CLSTN3: variants seen among roughly 807,000 people sequenced by gnomAD.
CLSTN3 encodes the protein calsyntenin-3.
A neutral mutation model predicts 95.9 loss-of-function variants in CLSTN3; 36 were observed. The ratio of observed to expected loss-of-function variants is 0.38; its 90% CI spans 0.29 to 0.50. CLSTN3 has a LOEUF of 0.50. CLSTN3 is among the 20% of genes least tolerant of loss of function. The pLI, the probability that CLSTN3 is intolerant of heterozygous loss-of-function variation, is 0.95. For synonymous variants in CLSTN3, 481 were observed against 504.0 expected (o/e 0.95, Z 0.61); for missense variants, 1,084 against 1,268.8 (o/e 0.85, Z 2.21).
intron 16 of CLSTN3, among the ~76,000 whole-genome samples, chr12:7,152,905 C>T (rs1939748756): frequency 6.6e-6 from 1 of 152,152 alleles, no homozygotes; most frequent in South Asian, 2.1e-4. Context: ...GGCCCTCACC[C>T]TTCTCCCCAG....
Position 7,158,172 on chromosome 12 carries a change from G to C in CLSTN3, c.*91G>C. ...GAGAAGGACTTTCTGGGAACACAGA[G>C]ACCAAGAGGGAGAGAGGCTTCAGAA... is the stretch of plus-strand genomic sequence containing the variant. On this transcript the variant is annotated 3_prime_UTR_variant, in exon 18 of 18. Coordinates refer to ENST00000266546, the MANE Select transcript of CLSTN3 (RefSeq NM_014718.4). 7.1e-7 allele frequency: 1 copy of C among 1,401,592 alleles called. No homozygotes were observed. The highest frequency in any genetic ancestry group is 9.4e-7 in the Non-Finnish European group (1 of 1,059,408). 86.8% of individuals were successfully genotyped at this position (1,401,592 alleles called of 1,614,324 possible).
intron 16 of CLSTN3, among the ~76,000 whole-genome samples, chr12:7,155,635 GGA>G (rs1939802166): frequency 6.6e-6 from 1 of 152,262 alleles, no homozygotes; most frequent in Admixed American, 6.5e-5. Flanking sequence ...CAGATGGGCA[GGA>G]GAGACAGCTC....
In CLSTN3 at chr12:7,137,120, C is replaced by T; in HGVS notation, c.1210+10C>T. 1.3e-6 allele frequency: 2 copies of T among 1,595,102 alleles called. No individual in the cohort carries two copies. The highest frequency in any genetic ancestry group is 1.3e-5 in the African/African-American group (1 of 74,812). On this transcript the variant is annotated intron_variant, in intron 7 of 17. Transcript: ENST00000266546. This position sits in a 1 kb window ranked among gnomAD's most constrained non-coding sequence, Gnocchi z 4.4. The stretch of plus-strand genomic sequence containing the variant: ...AACACTGTCCAGAATGGTGAGCCTC[C>T]CCTCCAGGCACTAGCCAGAGGGGGA...
intron 16 of CLSTN3, chr12:7,156,080 G>T (rs1212145240): frequency 2.8e-6 from 1 of 358,542 alleles, no homozygotes; most frequent in Non-Finnish European, 5.5e-6. Context: ...TTTTTCTAGG[G>T]GCTTGCTTGT....
intron 16 of CLSTN3, among the ~76,000 whole-genome samples, chr12:7,154,337 A>C (rs1939781328): frequency 6.6e-6 from 1 of 152,232 alleles, no homozygotes; most frequent in South Asian, 2.1e-4. Context: ...TCCTAAGTGC[A>C]CTAGAGAAAG....
intron 16 of CLSTN3, among the ~76,000 whole-genome samples, chr12:7,154,265 C>T (rs1184660389): frequency 1.3e-5 from 2 of 152,324 alleles, no homozygotes; most frequent in South Asian, 2.1e-4. Context: ...CCATTCTAAA[C>T]ATGCAGAAGC....
chr12:7,149,585 G>A lies in CLSTN3; in HGVS notation c.2137G>A (p.Val713Met), dbSNP rs1939687987. 2 of 1,614,154 alleles carry A rather than the reference G, an allele frequency of 1.2e-6. No homozygotes were observed. Among genetic ancestry groups the A allele is most frequent in the Non-Finnish European group, 1.7e-6 (2 of 1,180,026 alleles). ...CCTGGATGGCTGTGAAATTTCTCTG[G>A]TGGGGGATGACCTGGATCCCGAGCG... ...HNLDGCEISLVGDDLDPERES... is the reference protein window; with the variant it reads ...HNLDGCEISLMGDDLDPERES... The change falls in exon 14 of 18, where the codon GTG (valine) becomes ATG (methionine). Residue 713 changes from valine (V) to methionine (M), a missense_variant. Val to Met is a conservative substitution (Grantham distance 21). Transcript: ENST00000266546. This position sits in a 1 kb window ranked among gnomAD's most constrained non-coding sequence, Gnocchi z 4.5.
Position 7,130,589 on chromosome 12 carries a change from G to A in CLSTN3, c.-60G>A. 1.3e-6 allele frequency: 2 copies of A among 1,549,832 alleles called. No homozygotes were observed. Among genetic ancestry groups the A allele is most frequent in the Non-Finnish European group, 1.7e-6 (2 of 1,147,090 alleles). The stretch of plus-strand genomic sequence containing the variant: ...GTATCCCTCCCGCAAGGTGGAATCC[G>A]CAGGCTGGAGGCTCCCAGGGGAGGC... On this transcript the variant is annotated 5_prime_UTR_variant, in exon 1 of 18. Transcript: ENST00000266546.
chr12:7,153,480 A>G (rs1939761747), intron 16 of CLSTN3, among the ~76,000 whole-genome samples: 1 of 152,108 alleles, frequency 6.6e-6, no homozygotes, highest in African/African-American at 2.4e-5. Flanking sequence ...ACTGTGATTC[A>G]CTATAGCAAG....
chr12:7,146,282 C>T (rs752707903), intron 12 of CLSTN3, among the ~76,000 whole-genome samples: 4 of 152,286 alleles, frequency 2.6e-5, no homozygotes, highest in African/African-American at 9.6e-5. Flanking sequence ...AGTCTGTAGT[C>T]CCAGCTACTC....
At chr12:7,148,863 A>C in intron 12 of CLSTN3, 109 bp from the exon 13 acceptor site, 1 of 896,048 alleles carries the variant, frequency 1.1e-6, no homozygotes, top group Non-Finnish European at 1.7e-6. Context: ...CCTTCCTGAC[A>C]TGAGATGCTC....
In CLSTN3 at chr12:7,136,887, A is replaced by G. The variant is rs1939435216; in HGVS notation, c.987A>G (p.Thr329=). The G allele has an allele frequency of 6.2e-7, 1 of 1,613,796 alleles. No homozygotes were observed. The highest frequency in any genetic ancestry group is 1.7e-5 in the Admixed American group (1 of 60,006). The stretch of plus-strand genomic sequence containing the variant: ...TGCCTGGCCCCAATGCCAACTGGAC[A>G]GCAGGACTCTCGGTGCACTACAGCC... The part of the protein sequence containing the change: ...LPMPGPNANW[T]AGLSVHYSQD... Residue 329 remains threonine, a synonymous_variant, in exon 7 of 18, where the codon ACA becomes ACG. Coordinates refer to ENST00000266546, the MANE Select transcript of CLSTN3 (RefSeq NM_014718.4).
intron 12 of CLSTN3, among the ~76,000 whole-genome samples, chr12:7,146,969 T>C (rs1387926515): frequency 6.6e-6 from 1 of 152,194 alleles, no homozygotes; most frequent in Admixed American, 6.5e-5. Flanking sequence ...CATTGGCAAC[T>C]TCAGGGGCTC....
Position 7,157,583 on chromosome 12 carries a change from C to T in CLSTN3, c.2622C>T (p.His874=), listed in dbSNP as rs2135821931. The change falls in exon 17 of 18, where the codon CAC becomes CAT. Residue 874 remains histidine (H), a synonymous_variant. Transcript: ENST00000266546. The surrounding 1 kb of genome is among the most constrained non-coding windows in gnomAD (Gnocchi z 5.9). ...VLGLVRIHSL[H]RRVSGAGGPP... ...GCCTGGTGCGCATCCATTCCCTTCA[C>T]CGCCGCGTCTCAGGGGCCGGCGGGC... The T allele has an allele frequency of 6.2e-7, 1 of 1,613,540 alleles. No individual in the cohort carries two copies. Among genetic ancestry groups the T allele is most frequent in the East Asian group, 2.2e-5 (1 of 44,858 alleles).
chr12:7,144,177 G>A lies in CLSTN3; in HGVS notation c.1847+866G>A, dbSNP rs185897492. 3.4e-3 allele frequency among the ~76,000 whole-genome samples: 503 copies of A among 146,542 alleles called. 2 individuals carry two copies. The highest frequency in any genetic ancestry group is 0.012 in the African/African-American group (457 of 39,458). ...GGACCCAGGAGGCGGAGGTTTCAGT[G>A]AGCCGAGATTGCACCACTGCACTCC... On this transcript the variant is annotated intron_variant, in intron 12 of 17. Coordinates refer to ENST00000266546, the MANE Select transcript of CLSTN3 (RefSeq NM_014718.4).
rs752323842 is a variant in CLSTN3, at chr12:7,154,594, G to T, written c.2528-2895G>T. Among the ~76,000 whole-genome samples the T allele has an allele frequency of 2.0e-5, 3 of 152,252 alleles. No homozygotes were observed. In the South Asian group the frequency reaches 6.2e-4, roughly 32 times the overall value. ...TATGTATCTACTCATATCAAATTTT[G>T]ATGACTGCCAGAATCACCTGGGGAG... On this transcript the variant is annotated intron_variant, in intron 16 of 17. Transcript: ENST00000266546.
chr12:7,151,970 C>A (rs995760940), intron 16 of CLSTN3, among the ~76,000 whole-genome samples: 21 of 150,364 alleles, frequency 1.4e-4, no homozygotes, highest in African/African-American at 4.2e-4. Flanking sequence ...AGGAGGATCT[C>A]TTGGGCCTGT....
At chr12:7,155,185 G>A (rs763838520) in intron 16 of CLSTN3, among the ~76,000 whole-genome samples, 5 of 152,178 alleles carry the variant, frequency 3.3e-5, no homozygotes, top group Non-Finnish European at 5.9e-5. Flanking sequence ...AGAATTAACT[G>A]CTCAGATCTC....
At chr12:7,155,597 G>A (rs748301601) in intron 16 of CLSTN3, among the ~76,000 whole-genome samples, 9 of 152,264 alleles carry the variant, frequency 5.9e-5, no homozygotes, top group South Asian at 2.1e-4. Context: ...GTCTGTTGAC[G>A]TGGAGACCTG....
Sources: gnomAD v4.1 joint callset for allele counts (sites outside exome capture counted in the v4.1 genomes callset) on GRCh38, gnomAD v4.1.1 for gene constraint, Gnocchi (gnomAD v3.1) non-coding constraint, MANE v1.5 for transcripts, NCBI Gene and HGNC (gene_info 2026-07-23, HGNC 2026-07-21) for gene names.